Variants in MAN1A1 observed in about 807,000 individuals in gnomAD.
The protein encoded by MAN1A1 is mannosyl-oligosaccharide 1,2-alpha-mannosidase IA.
In MAN1A1, 29 loss-of-function variants were observed where a neutral mutation model predicts 70.8. The ratio of observed to expected loss-of-function variants is 0.41; its 90% CI spans 0.31 to 0.56. The LOEUF (loss-of-function observed/expected upper bound fraction) is 0.56. MAN1A1 is among the 20% of genes least tolerant of loss of function. MAN1A1 has a pLI of 0.29. For missense variants in MAN1A1, 747 were observed against 841.3 expected, an observed-to-expected ratio of 0.89 and a Z score of 1.39; for synonymous variants, 349 against 330.1, an observed-to-expected ratio of 1.06 and a Z score of -0.62.
chr6:119,239,330 CAATT>C (rs1333535268), intron 6 of MAN1A1, among the ~76,000 whole-genome samples: 8 of 152,288 alleles, frequency 5.3e-5, no homozygotes, highest in Non-Finnish European at 1.0e-4. Flanking sequence ...TTGTAAATTA[CAATT>C]AATTCTCAGT....
chr6:119,315,098 A>C (rs1772813806), intron 2 of MAN1A1, among the ~76,000 whole-genome samples: 1 of 152,096 alleles, frequency 6.6e-6, no homozygotes. Flanking sequence ...CTATGTGTGC[A>C]ATTCGTTTGT....
At chr6:119,209,235 A>G (rs761327969) in intron 6 of MAN1A1, among the ~76,000 whole-genome samples, 1 of 152,226 alleles carries the variant, frequency 6.6e-6, no homozygotes, top group African/African-American at 2.4e-5. Flanking sequence ...TGCCAGATGA[A>G]TATATAAACA....
At chr6:119,249,562 A>G (rs560870831) in intron 5 of MAN1A1, among the ~76,000 whole-genome samples, 1 of 152,276 alleles carries the variant, frequency 6.6e-6, no homozygotes, top group East Asian at 1.9e-4. Flanking sequence ...AGGCTGGAGG[A>G]GCCCTGAAGA....
chr6:119,290,605 T>C (rs1210852980), intron 5 of MAN1A1, 78 bp downstream of exon 5: 4 of 934,074 alleles, frequency 4.3e-6, no homozygotes, highest in Non-Finnish European at 6.7e-6. Context: ...TAAATATATG[T>C]CACGAATGGC....
At chr6:119,274,231 T>C (rs969066711) in intron 5 of MAN1A1, among the ~76,000 whole-genome samples, 1 of 152,206 alleles carries the variant, frequency 6.6e-6, no homozygotes, top group Non-Finnish European at 1.5e-5. Flanking sequence ...TGAGTAGATA[T>C]TTTGTAGTTA....
intron 6 of MAN1A1, among the ~76,000 whole-genome samples, chr6:119,235,511 A>C (rs902554769): frequency 6.6e-6 from 1 of 152,278 alleles, no homozygotes; most frequent in South Asian, 2.1e-4. Context: ...CTGTACAACA[A>C]AAGTTTGAAG....
At chr6:119,271,464 T>G (rs998807035) in intron 5 of MAN1A1, among the ~76,000 whole-genome samples, 2 of 152,100 alleles carry the variant, frequency 1.3e-5, no homozygotes, top group Non-Finnish European at 2.9e-5. Flanking sequence ...GTTCATTAGC[T>G]GGATGTCTCC....
At chr6:119,343,391 C>T (rs1190407375) in intron 2 of MAN1A1, among the ~76,000 whole-genome samples, 1 of 152,170 alleles carries the variant, frequency 6.6e-6, no homozygotes, top group Non-Finnish European at 1.5e-5. Context: ...ATCTTTGTGT[C>T]TTGGTTGCCT....
In MAN1A1 at chr6:119,242,020, T is replaced by C. The variant is rs1016820036; in HGVS notation, c.992+6240A>G. ...TTAGAATCCCAGTTATTCTGAGGCA[T>C]GGGAAAGTTGAGAGTCACTGATACA... On this transcript the variant is annotated intron_variant, in intron 6 of 12. Transcript: ENST00000368468. Among the ~76,000 whole-genome samples the C allele has an allele frequency of 2.0e-5, 3 of 151,662 alleles. No individual in the cohort carries two copies. In the East Asian group the frequency reaches 5.8e-4, roughly 29 times the overall value.
At chr6:119,248,117 C>A (rs1459065383) in intron 6 of MAN1A1, 143 bp downstream of exon 6, 6 of 605,588 alleles carry the variant, frequency 9.9e-6, no homozygotes, top group African/African-American at 7.5e-5. Flanking sequence ...TAGCTGCCAA[C>A]AAAAAGACAG....
chr6:119,332,753 C>T (rs969981995), intron 2 of MAN1A1, among the ~76,000 whole-genome samples: 63 of 150,128 alleles, frequency 4.2e-4, no homozygotes, highest in African/African-American at 1.5e-3. Context: ...CCACTGCACT[C>T]CAGCCTGGGC....
chr6:119,289,193 G>T (rs541662699), intron 5 of MAN1A1, among the ~76,000 whole-genome samples: 1 of 151,820 alleles, frequency 6.6e-6, no homozygotes, highest in Admixed American at 6.6e-5. Flanking sequence ...ATACATATGT[G>T]TTTTTCTTTG....
intron 8 of MAN1A1, among the ~76,000 whole-genome samples, chr6:119,195,464 G>A (rs1223154321): frequency 6.6e-6 from 1 of 152,134 alleles, no homozygotes; most frequent in Non-Finnish European, 1.5e-5. Flanking sequence ...TCGTATCTGG[G>A]ACCAAATGAC....
intron 2 of MAN1A1, among the ~76,000 whole-genome samples, chr6:119,313,548 C>G (rs1363374920): frequency 6.6e-6 from 1 of 151,848 alleles, no homozygotes. Context: ...CCCAATGTTA[C>G]AATGACAATC....
At chr6:119,286,201 A>G (rs1228654813) in intron 5 of MAN1A1, among the ~76,000 whole-genome samples, 1 of 152,192 alleles carries the variant, frequency 6.6e-6, no homozygotes, top group African/African-American at 2.4e-5. Flanking sequence ...TGTGGCAGAC[A>G]TTGAGTTTGA....
chr6:119,181,815 TGTGGATATACACCATCTTCTGTG>T (rs1318009106), intron 11 of MAN1A1, among the ~76,000 whole-genome samples: 1 of 152,246 alleles, frequency 6.6e-6, no homozygotes, highest in Non-Finnish European at 1.5e-5. Context: ...ACACTACTTC[TGTGGATATACACCATCTTCTGTG>T]GTGGATATAC....
intron 4 of MAN1A1, among the ~76,000 whole-genome samples, chr6:119,298,787 G>A (rs1772299898): frequency 6.6e-6 from 1 of 151,684 alleles, no homozygotes; most frequent in Admixed American, 6.6e-5. Flanking sequence ...CAGTAGAGAC[G>A]GGGTTTCGCC....
chr6:119,184,511 T>G (rs187236667), intron 11 of MAN1A1, among the ~76,000 whole-genome samples: 4 of 152,054 alleles, frequency 2.6e-5, no homozygotes, highest in Non-Finnish European at 4.4e-5. Flanking sequence ...AACTCAAGGA[T>G]AGAACACAGA....
At chr6:119,217,937 C>T (rs974500202) in intron 6 of MAN1A1, among the ~76,000 whole-genome samples, 3 of 152,206 alleles carry the variant, frequency 2.0e-5, no homozygotes, top group African/African-American at 4.8e-5. Context: ...TCATCACAGA[C>T]ACTTTTCTAG....
Sources: allele counts gnomAD v4.1 joint callset (sites outside exome capture counted in the v4.1 genomes callset), GRCh38; gene constraint gnomAD v4.1.1; transcripts MANE v1.5; gene names NCBI Gene and HGNC (gene_info 2026-07-23, HGNC 2026-07-21).